The following PIAS1 variants were observed in gnomAD, a reference collection of about 807,000 sequenced individuals.
PIAS1 encodes protein inhibitor of activated STAT 1, also known as E3 SUMO-protein ligase PIAS1.
In PIAS1, 6 loss-of-function variants were observed where a neutral mutation model predicts 71.3. The ratio of observed to expected loss-of-function variants is 0.08; its 90% CI spans 0.05 to 0.17. The LOEUF is 0.17. PIAS1 is among the 10% of genes least tolerant of loss of function. The pLI, the probability that PIAS1 is intolerant of heterozygous loss-of-function variation, is 1.00. For missense variants in PIAS1, 555 were observed against 793.6 expected (o/e 0.70, Z 3.61); for synonymous variants, 303 against 292.9 (o/e 1.03, Z -0.35).
At chr15:68,135,089 C>T (rs1246553727) in intron 2 of PIAS1, among the ~76,000 whole-genome samples, 2 of 43,374 alleles carry the variant, frequency 4.6e-5, no homozygotes, top group Admixed American at 1.8e-4. Context: ...GCTGGCCGGG[C>T]GGGGGGCTGA....
At chr15:68,147,050 T>G (rs1211358090) in intron 6 of PIAS1, among the ~76,000 whole-genome samples, 1 of 152,228 alleles carries the variant, frequency 6.6e-6, no homozygotes, top group African/African-American at 2.4e-5. Context: ...GATTCATTGG[T>G]ATGTCAAAGA....
At chr15:68,080,947 ACCTAATT>A (rs2092223053) in intron 1 of PIAS1, among the ~76,000 whole-genome samples, 1 of 152,202 alleles carries the variant, frequency 6.6e-6, no homozygotes, top group African/African-American at 2.4e-5. Context: ...AACAAGAAGT[ACCTAATT>A]CTTATCCACA....
intron 2 of PIAS1, among the ~76,000 whole-genome samples, chr15:68,113,876 G>A (rs2092542024): frequency 1.3e-5 from 2 of 152,038 alleles, no homozygotes; most frequent in African/African-American, 4.8e-5. Context: ...ATTTCTGTAT[G>A]AATGGAAAAT....
At chr15:68,077,913 C>A (rs544240755) in intron 1 of PIAS1, among the ~76,000 whole-genome samples, 1 of 152,162 alleles carries the variant, frequency 6.6e-6, no homozygotes, top group Non-Finnish European at 1.5e-5. Flanking sequence ...AATTTAGACT[C>A]TTTAGTTTAG....
intron 2 of PIAS1, among the ~76,000 whole-genome samples, chr15:68,105,813 A>T (rs529835295): frequency 5.9e-5 from 9 of 152,158 alleles, no homozygotes; most frequent in South Asian, 4.1e-4. Context: ...TCTAAAAAAA[A>T]TTTTTTTTAA....
chr15:68,187,768 C>T lies in PIAS1; in HGVS notation c.1889C>T (p.Thr630Ile), dbSNP rs1395571828. 16 of 1,613,998 alleles carry T rather than the reference C, an allele frequency of 9.9e-6. No homozygotes were observed. Among genetic ancestry groups the T allele is most frequent in the Non-Finnish European group, 1.3e-5 (15 of 1,179,884 alleles). Residue 630 changes from threonine to isoleucine, a missense_variant, in exon 14 of 14, where the codon ACA becomes ATA. Coordinates refer to ENST00000249636, the MANE Select transcript of PIAS1 (RefSeq NM_016166.3). This position sits in a 1 kb window ranked among gnomAD's most constrained non-coding sequence, Gnocchi z 5.3. ...AGGGAAAGCCATAGCCACACCGTCACAAACAGGAGCAGCACGGACACGGCA... is the reference window on the plus strand; with the variant it reads ...AGGGAAAGCCATAGCCACACCGTCATAAACAGGAGCAGCACGGACACGGCA... ...SLRESHSHTV[T>I]NRSSTDTASI...
chr15:68,159,426 C>A (rs1050018203), intron 7 of PIAS1, among the ~76,000 whole-genome samples: 2 of 152,064 alleles, frequency 1.3e-5, no homozygotes, highest in Non-Finnish European at 2.9e-5. Flanking sequence ...GAACCACTGC[C>A]ACAATCAAAA....
intron 2 of PIAS1, among the ~76,000 whole-genome samples, chr15:68,124,596 C>T (rs963904718): frequency 6.6e-6 from 1 of 152,020 alleles, no homozygotes. Flanking sequence ...TGGTGCATGC[C>T]TGTAATCCCA....
intron 11 of PIAS1, among the ~76,000 whole-genome samples, chr15:68,179,592 T>TTTTTTTTTTTTTTA (rs2093041462): frequency 8.7e-6 from 1 of 114,674 alleles, no homozygotes. Context: ...TTTTTTTTTT[T>TTTTTTTTTTTTTTA]GAGACAGAGT....
At chr15:68,134,805 C>G (rs1341736471) in intron 2 of PIAS1, among the ~76,000 whole-genome samples, 1 of 47,352 alleles carries the variant, frequency 2.1e-5, no homozygotes, top group Non-Finnish European at 8.6e-5. Context: ...GCAGAGGCCC[C>G]CCTCACCTCC....
rs540447048 is a variant in PIAS1, at chr15:68,092,970, A to G, written c.469+6220A>G. 4.6e-5 allele frequency among the ~76,000 whole-genome samples: 7 copies of G among 152,346 alleles called. No individual in the cohort carries two copies. The South Asian group carries it at 1.4e-3, about 32-fold the overall frequency. ...GTAGTGAATTGATAAAAAGTGATAC[A>G]TAAGTTAAACATCTTACTTTAATGT... On this transcript the variant is annotated intron_variant, in intron 2 of 13. Coordinates refer to ENST00000249636, the MANE Select transcript of PIAS1 (RefSeq NM_016166.3).
chr15:68,175,411 CT>C (rs2093015048), intron 9 of PIAS1, among the ~76,000 whole-genome samples: 1 of 152,066 alleles, frequency 6.6e-6, no homozygotes, highest in Admixed American at 6.5e-5. Flanking sequence ...ATGAAGCTTT[CT>C]TTTGTTGACG....
chr15:68,088,491 G>C (rs1201892332), intron 2 of PIAS1, among the ~76,000 whole-genome samples: 2 of 151,868 alleles, frequency 1.3e-5, no homozygotes, highest in Non-Finnish European at 2.9e-5. Context: ...TGCTGTTTGT[G>C]GTATGTATTC....
chr15:68,153,336 T>A (rs2092862268), intron 6 of PIAS1, among the ~76,000 whole-genome samples: 1 of 152,124 alleles, frequency 6.6e-6, no homozygotes, highest in African/African-American at 2.4e-5. Context: ...TACTTGAAAA[T>A]TGCAAAATTA....
rs573704912 is a variant in PIAS1 at position 68,144,528 on chromosome 15, C to T, written c.603-1288C>T. On this transcript the variant is annotated intron_variant, in intron 4 of 13. Coordinates refer to ENST00000249636, the MANE Select transcript of PIAS1 (RefSeq NM_016166.3). ...TCTTGTCATTTAAATTACTCTTTTC[C>T]TATAGGAAAGGGTTCAGGCAGCCAG... is the stretch of plus-strand genomic sequence containing the variant. Among the ~76,000 whole-genome samples, 531 of 151,932 alleles carry T rather than the reference C, an allele frequency of 3.5e-3. 3 individuals carry two copies. Among genetic ancestry groups the T allele is most frequent in the Middle Eastern group, 6.8e-3 (2 of 292 alleles).
rs1022569721 is a variant in PIAS1 at position 68,055,276 on chromosome 15, G to A, written c.24+926G>A. 3 of 885,424 alleles carry A rather than the reference G, an allele frequency of 3.4e-6. No individual in the cohort carries two copies. The African/African-American group carries it at 5.4e-5, about 16-fold the overall frequency. The allele number at this position is 885,424 out of a possible 1,614,324, so 54.8% of individuals were successfully genotyped here. On this transcript the variant is annotated intron_variant, in intron 1 of 13. Transcript: ENST00000249636. ...ATCCCCCCATTGCCTTTTGTTTGTAGGGACATCTTGCTGGCCATGTTGATT... is the reference window on the plus strand; with the variant it reads ...ATCCCCCCATTGCCTTTTGTTTGTAAGGACATCTTGCTGGCCATGTTGATT...
chr15:68,132,809 TAAA>T, intron 2 of PIAS1, among the ~76,000 whole-genome samples: 1 of 152,142 alleles, frequency 6.6e-6, no homozygotes. Flanking sequence ...ATATAAATAT[TAAA>T]AAGTTAGAAA....
chr15:68,081,696 CAA>C (rs1439731118), intron 1 of PIAS1, among the ~76,000 whole-genome samples: 3 of 151,634 alleles, frequency 2.0e-5, no homozygotes, highest in African/African-American at 7.3e-5. Context: ...AGCTAAAAGA[CAA>C]GAGATGTAAA....
chr15:68,161,232 A>G (rs974055435), intron 7 of PIAS1, among the ~76,000 whole-genome samples: 20 of 152,208 alleles, frequency 1.3e-4, no homozygotes, highest in Admixed American at 5.2e-4. Context: ...GTGGGGATAC[A>G]TCACACAAAC....
Sources: gnomAD v4.1 joint callset for allele counts (sites outside exome capture counted in the v4.1 genomes callset) on GRCh38, gnomAD v4.1.1 for gene constraint, Gnocchi (gnomAD v3.1) non-coding constraint, MANE v1.5 for transcripts, NCBI Gene and HGNC (gene_info 2026-07-23, HGNC 2026-07-21) for gene names.